PTPRD: variants seen among roughly 807,000 people sequenced by gnomAD.
The protein encoded by PTPRD is receptor-type tyrosine-protein phosphatase delta.
In PTPRD, 34 loss-of-function variants were observed where a neutral mutation model predicts 214.5. The observed-to-expected ratio is 0.16, with a 90% CI of 0.12 to 0.21. The LOEUF (loss-of-function observed/expected upper bound fraction) is 0.21. PTPRD is among the 10% of genes least tolerant of loss of function. The pLI is 1.00. For synonymous variants in PTPRD, 1,128 were observed against 845.7 expected (o/e 1.33, Z -5.79); for missense variants, 2,545 against 2,398.7 (o/e 1.06, Z -1.27).
At chr9:9,712,024 C>G (rs191327780) in intron 7 of PTPRD, among the ~76,000 whole-genome samples, 1 of 152,186 alleles carries the variant, frequency 6.6e-6, no homozygotes, top group East Asian at 1.9e-4. Context: ...TCAGCATTAG[C>G]ATTGTGAGAT....
intron 11 of PTPRD, among the ~76,000 whole-genome samples, chr9:9,016,909 G>A (rs2099537899): frequency 6.6e-6 from 1 of 151,982 alleles, no homozygotes; most frequent in East Asian, 1.9e-4. Flanking sequence ...AAGATAAAGT[G>A]GCTCTTAATG....
At chr9:9,692,812 G>C (rs888747091) in intron 7 of PTPRD, among the ~76,000 whole-genome samples, 1 of 151,604 alleles carries the variant, frequency 6.6e-6, no homozygotes, top group Non-Finnish European at 1.5e-5. Context: ...TCTTTCATCA[G>C]TGTTTTATAG....
intron 7 of PTPRD, among the ~76,000 whole-genome samples, chr9:9,611,424 C>G (rs945361201): frequency 5.3e-5 from 8 of 151,660 alleles, no homozygotes; most frequent in East Asian, 1.9e-4. Flanking sequence ...TGTTTTGATT[C>G]GTAATTATTT....
intron 7 of PTPRD, among the ~76,000 whole-genome samples, chr9:9,601,543 G>C (rs1056288665): frequency 1.3e-5 from 2 of 152,004 alleles, no homozygotes; most frequent in Non-Finnish European, 2.9e-5. Context: ...ATTATTTTTG[G>C]AAGAATGGAG....
At chr9:8,362,119 A>G (rs1027282999) in intron 39 of PTPRD, among the ~76,000 whole-genome samples, 1 of 152,256 alleles carries the variant, frequency 6.6e-6, no homozygotes, top group African/African-American at 2.4e-5. Context: ...CACTCTAAAA[A>G]TGACTTACAT....
chr9:8,500,010 G>A lies in PTPRD; in HGVS notation c.2129-170C>T, dbSNP rs1352338128. 2.9e-5 allele frequency among the ~76,000 whole-genome samples: 4 copies of A among 137,468 alleles called. No individual in the cohort carries two copies. In the East Asian group the frequency reaches 8.5e-4, roughly 29 times the overall value. The allele number at this position is 137,468 out of a possible 152,430, so 90.2% of individuals were successfully genotyped here. A position where few individuals can be genotyped will look rare whatever the true frequency, so the allele number is the denominator to read the frequency against. On this transcript the variant is annotated intron_variant, in intron 24 of 45. Coordinates refer to ENST00000381196, the MANE Select transcript of PTPRD (RefSeq NM_002839.4). ...ACCAATGAAAATGCTTAACCAATCT[G>A]CTCTACCTTTTAAGAAAAGATCAAA...
chr9:9,278,411 A>G (rs1046320752), intron 9 of PTPRD, among the ~76,000 whole-genome samples: 1 of 151,508 alleles, frequency 6.6e-6, no homozygotes. Context: ...TTTTATAACA[A>G]ATAAAATGGT....
chr9:8,408,275 C>G (rs1019408520), intron 35 of PTPRD, among the ~76,000 whole-genome samples: 1 of 152,150 alleles, frequency 6.6e-6, no homozygotes, highest in Non-Finnish European at 1.5e-5. Flanking sequence ...ATTAATTATT[C>G]AAAACAATTT....
intron 3 of PTPRD, among the ~76,000 whole-genome samples, chr9:10,171,074 T>C (rs1012469786): frequency 6.6e-6 from 1 of 152,172 alleles, no homozygotes; most frequent in Non-Finnish European, 1.5e-5. Flanking sequence ...ATGAGACAAA[T>C]GCCCCAAACA....
intron 9 of PTPRD, among the ~76,000 whole-genome samples, chr9:9,388,641 T>TA (rs906473093): frequency 2.0e-5 from 3 of 151,932 alleles, no homozygotes; most frequent in Non-Finnish European, 4.4e-5. Context: ...GAAACATGAC[T>TA]AAAAAAACAG....
chr9:8,557,781 C>T (rs1391700023), intron 14 of PTPRD, among the ~76,000 whole-genome samples: 7 of 110,584 alleles, frequency 6.3e-5, no homozygotes, highest in Non-Finnish European at 3.6e-5. Context: ...AAACAAAATA[C>T]ACACACACAC....
chr9:8,801,172 G>A (rs137962140), intron 11 of PTPRD, among the ~76,000 whole-genome samples: 2 of 152,122 alleles, frequency 1.3e-5, no homozygotes, highest in Non-Finnish European at 2.9e-5. Flanking sequence ...ACCTTCCAAA[G>A]GGTCACAAAA....
At chr9:8,686,538 T>C (rs2097684988) in intron 12 of PTPRD, among the ~76,000 whole-genome samples, 1 of 152,168 alleles carries the variant, frequency 6.6e-6, no homozygotes, top group South Asian at 2.1e-4. Context: ...GTCACAACAA[T>C]TTCATAAAGT....
chr9:9,396,282 C>T (rs34031813), intron 9 of PTPRD, among the ~76,000 whole-genome samples: 12,151 of 151,998 alleles, frequency 0.08, 668 homozygotes, highest in Non-Finnish European at 0.12. Flanking sequence ...TATATACTAC[C>T]TTACTATTTA....
chr9:9,585,666 C>T (rs1335088272), intron 7 of PTPRD, among the ~76,000 whole-genome samples: 3 of 151,966 alleles, frequency 2.0e-5, no homozygotes. Context: ...GCCCTTCATC[C>T]AATCATTTTT....
chr9:9,190,194 T>C (rs1004008527), intron 9 of PTPRD, among the ~76,000 whole-genome samples: 2 of 152,030 alleles, frequency 1.3e-5, no homozygotes. Flanking sequence ...AATGCTTTAA[T>C]TGTGGGAGTT....
At chr9:8,654,126 A>C (rs1386078175) in intron 12 of PTPRD, among the ~76,000 whole-genome samples, 1 of 152,222 alleles carries the variant, frequency 6.6e-6, no homozygotes, top group Non-Finnish European at 1.5e-5. Flanking sequence ...GTGACAATCT[A>C]ACATTATCAA....
At chr9:9,676,051 A>G (rs1157671596) in intron 7 of PTPRD, among the ~76,000 whole-genome samples, 1 of 152,150 alleles carries the variant, frequency 6.6e-6, no homozygotes, top group East Asian at 1.9e-4. Context: ...CAGATTAAGT[A>G]ATAAAATGTA....
intron 11 of PTPRD, among the ~76,000 whole-genome samples, chr9:8,895,491 G>C (rs981864167): frequency 7.9e-5 from 12 of 152,238 alleles, no homozygotes; most frequent in Middle Eastern, 3.4e-3. Context: ...TTAGATAATA[G>C]AACTTTCAAA....
Sources: allele counts gnomAD v4.1 joint callset (sites outside exome capture counted in the v4.1 genomes callset), GRCh38; gene constraint gnomAD v4.1.1; transcripts MANE v1.5; gene names NCBI Gene and HGNC (gene_info 2026-07-23, HGNC 2026-07-21).